TRPS1: variants seen among roughly 807,000 people sequenced by gnomAD.
The protein encoded by TRPS1 is zinc finger transcription factor Trps1.
TRPS1 carries 6 observed loss-of-function variants against 101.2 expected under a neutral mutation model. The ratio of observed to expected loss-of-function variants is 0.06; its 90% CI spans 0.03 to 0.12. The LOEUF is 0.12. Among genes scored for constraint, TRPS1 ranks in the 10% least tolerant of loss-of-function variants. TRPS1 has a pLI of 1.00. For missense variants in TRPS1, 1,363 were observed against 1,567.0 expected, an observed-to-expected ratio of 0.87 and a Z score of 2.20; for synonymous variants, 578 against 589.8, an observed-to-expected ratio of 0.98 and a Z score of 0.29.
At chr8:115,654,443 T>G (rs968653818) in intron 1 of TRPS1, among the ~76,000 whole-genome samples, 17 of 152,306 alleles carry the variant, frequency 1.1e-4, no homozygotes, top group African/African-American at 3.8e-4. Flanking sequence ...AGCCAGATTT[T>G]AATAACTAAT....
At chr8:115,427,887 C>T (rs1342010732) in intron 5 of TRPS1, among the ~76,000 whole-genome samples, 1 of 151,826 alleles carries the variant, frequency 6.6e-6, no homozygotes, top group African/African-American at 2.4e-5. Flanking sequence ...GTGTTTTGAT[C>T]CTGCTGTGTC....
chr8:115,651,676 T>A (rs1811561957), intron 1 of TRPS1, among the ~76,000 whole-genome samples: 1 of 152,182 alleles, frequency 6.6e-6, no homozygotes, highest in African/African-American at 2.4e-5. Context: ...AAGGCGGGGA[T>A]GTTTTAACCT....
chr8:115,583,291 A>G (rs976331835), intron 5 of TRPS1, among the ~76,000 whole-genome samples: 1 of 152,174 alleles, frequency 6.6e-6, no homozygotes, highest in Non-Finnish European at 1.5e-5. Flanking sequence ...CTTGTCAGAA[A>G]AGTATACAAC....
chr8:115,480,503 C>T (rs1314392839), intron 5 of TRPS1, among the ~76,000 whole-genome samples: 1 of 151,890 alleles, frequency 6.6e-6, no homozygotes, highest in African/African-American at 2.4e-5. Context: ...AAACCTGATG[C>T]CTTCTTAGGT....
chr8:115,612,974 G>GT (rs1470772975), intron 3 of TRPS1, among the ~76,000 whole-genome samples: 1 of 152,132 alleles, frequency 6.6e-6, no homozygotes, highest in Non-Finnish European at 1.5e-5. Context: ...GGAATGGAGT[G>GT]TATCTCCTTA....
chr8:115,545,890 G>C (rs905051976), intron 5 of TRPS1, among the ~76,000 whole-genome samples: 3 of 152,072 alleles, frequency 2.0e-5, no homozygotes, highest in Admixed American at 6.6e-5. Context: ...TGCACACTTT[G>C]CAACTTATTT....
chr8:115,574,073 C>T (rs1817265359), intron 5 of TRPS1, among the ~76,000 whole-genome samples: 1 of 152,176 alleles, frequency 6.6e-6, no homozygotes, highest in African/African-American at 2.4e-5. Flanking sequence ...TTATCACCTA[C>T]AGCTAACTGT....
At chr8:115,548,663 G>C (rs944271638) in intron 5 of TRPS1, among the ~76,000 whole-genome samples, 2 of 152,132 alleles carry the variant, frequency 1.3e-5, no homozygotes, top group Non-Finnish European at 2.9e-5. Context: ...AAGCCAGCCA[G>C]AACCACATTA....
intron 5 of TRPS1, among the ~76,000 whole-genome samples, chr8:115,504,344 C>T (rs1026887655): frequency 6.6e-6 from 1 of 152,146 alleles, no homozygotes; most frequent in African/African-American, 2.4e-5. Context: ...GTTGCAAATT[C>T]TATATTTGCA....
chr8:115,580,687 G>T (rs1043383342), intron 5 of TRPS1, among the ~76,000 whole-genome samples: 5 of 152,160 alleles, frequency 3.3e-5, no homozygotes, highest in African/African-American at 1.2e-4. Context: ...AGATACATCT[G>T]CTTCACCTGC....
At chr8:115,650,660 T>C (rs1052823853) in intron 1 of TRPS1, among the ~76,000 whole-genome samples, 8 of 152,194 alleles carry the variant, frequency 5.3e-5, no homozygotes, top group African/African-American at 1.7e-4. Flanking sequence ...TAAAAGTGAT[T>C]AGTAAAAATC....
chr8:115,563,772 A>G (rs1306121582), intron 5 of TRPS1, among the ~76,000 whole-genome samples: 2 of 152,028 alleles, frequency 1.3e-5, no homozygotes, highest in African/African-American at 4.8e-5. Flanking sequence ...CAGCTGAGGT[A>G]TTAGGTGTTA....
intron 5 of TRPS1, among the ~76,000 whole-genome samples, chr8:115,563,916 TCTC>T (rs1817006851): frequency 6.6e-6 from 1 of 152,108 alleles, no homozygotes; most frequent in South Asian, 2.1e-4. Flanking sequence ...TACCAAGAAA[TCTC>T]CTGATTCTGC....
intron 3 of TRPS1, among the ~76,000 whole-genome samples, chr8:115,609,223 GATT>G (rs1818108443): frequency 6.6e-6 from 1 of 152,078 alleles, no homozygotes; most frequent in South Asian, 2.1e-4. Context: ...GCATAGGTAG[GATT>G]ATTATTTAAT....
At chr8:115,616,959 T>C (rs373867646) in intron 3 of TRPS1, among the ~76,000 whole-genome samples, 2 of 152,318 alleles carry the variant, frequency 1.3e-5, no homozygotes, top group East Asian at 1.9e-4. Context: ...TCAATATTTA[T>C]TTCAGCATGA....
At chr8:115,521,961 G>A (rs1053021797) in intron 5 of TRPS1, among the ~76,000 whole-genome samples, 49 of 151,810 alleles carry the variant, frequency 3.2e-4, no homozygotes, top group Middle Eastern at 3.4e-3. Context: ...AAACTTAAAC[G>A]TATTATAAAC....
At chr8:115,535,115 C>T (rs62513026) in intron 5 of TRPS1, among the ~76,000 whole-genome samples, 3 of 44,076 alleles carry the variant, frequency 6.8e-5, no homozygotes, top group Non-Finnish European at 1.1e-4. Flanking sequence ...GCATATATAT[C>T]GCATATGTAT....
intron 3 of TRPS1, among the ~76,000 whole-genome samples, chr8:115,617,191 T>A (rs1169468213): frequency 6.6e-6 from 1 of 152,204 alleles, no homozygotes; most frequent in Non-Finnish European, 1.5e-5. Context: ...GTATTATTTA[T>A]CTTGGAAAAA....
chr8:115,559,282 C>G (rs899514657), intron 5 of TRPS1, among the ~76,000 whole-genome samples: 1 of 151,988 alleles, frequency 6.6e-6, no homozygotes, highest in Non-Finnish European at 1.5e-5. Context: ...AATATTGATA[C>G]AAAAGTGAGA....
Sources: allele counts gnomAD v4.1 joint callset (sites outside exome capture counted in the v4.1 genomes callset), GRCh38; gene constraint gnomAD v4.1.1; transcripts MANE v1.5; gene names NCBI Gene and HGNC (gene_info 2026-07-23, HGNC 2026-07-21).